CADM2: variants seen among roughly 807,000 people sequenced by gnomAD.
The protein encoded by CADM2 is cell adhesion molecule 2.
CADM2 carries 12 observed loss-of-function variants against 49.8 expected under a neutral mutation model. That is an observed-to-expected ratio of 0.24 (90% CI 0.15 to 0.39). CADM2 has a LOEUF of 0.39. CADM2 is among the 10% of genes least tolerant of loss of function. The probability of loss-of-function intolerance (pLI) is 1.00; values close to 1 mark genes in which losing one functional copy is unlikely to be tolerated. For synonymous variants in CADM2, 214 were observed against 175.4 expected, an observed-to-expected ratio of 1.22 and a Z score of -1.74; for missense variants, 378 against 492.3, an observed-to-expected ratio of 0.77 and a Z score of 2.20.
At chr3:85,396,010 T>C (rs569969265) in intron 1 of CADM2, among the ~76,000 whole-genome samples, 7 of 149,360 alleles carry the variant, frequency 4.7e-5, no homozygotes, top group Admixed American at 3.3e-4. Flanking sequence ...ATATTTTCAG[T>C]ATTGATTCTG....
chr3:85,251,745 A>G (rs1331050656), intron 1 of CADM2, among the ~76,000 whole-genome samples: 2 of 151,964 alleles, frequency 1.3e-5, no homozygotes, highest in Admixed American at 6.6e-5. Context: ...TTTTCTACTC[A>G]GGCAGAGAAA....
intron 5 of CADM2, among the ~76,000 whole-genome samples, chr3:85,907,599 A>G (rs1357780395): frequency 6.6e-6 from 1 of 152,084 alleles, no homozygotes; most frequent in Non-Finnish European, 1.5e-5. Flanking sequence ...GGATCCAGGG[A>G]AAGTATTTCA....
intron 1 of CADM2, among the ~76,000 whole-genome samples, chr3:85,363,723 T>G (rs1237908893): frequency 3.3e-5 from 5 of 152,218 alleles, no homozygotes; most frequent in Non-Finnish European, 7.3e-5. Context: ...GCCATTCTCC[T>G]GCCTCAGCCT....
chr3:85,547,381 A>T (rs1439022853), intron 1 of CADM2, among the ~76,000 whole-genome samples: 1 of 152,212 alleles, frequency 6.6e-6, no homozygotes, highest in African/African-American at 2.4e-5. Context: ...GAATTATCCA[A>T]ATAATTAAAT....
At chr3:85,057,740 A>T (rs1054854169) in intron 1 of CADM2, among the ~76,000 whole-genome samples, 1 of 152,204 alleles carries the variant, frequency 6.6e-6, no homozygotes, top group Non-Finnish European at 1.5e-5. Flanking sequence ...GTTTTGATAC[A>T]GTAAATTGCT....
intron 1 of CADM2, among the ~76,000 whole-genome samples, chr3:85,067,398 T>C (rs2036566752): frequency 6.6e-6 from 1 of 152,108 alleles, no homozygotes; most frequent in Non-Finnish European, 1.5e-5. Context: ...AAATTTGTTA[T>C]AGTAAGAGTT....
intron 1 of CADM2, among the ~76,000 whole-genome samples, chr3:85,157,001 C>G (rs948855531): frequency 1.3e-5 from 2 of 152,026 alleles, no homozygotes; most frequent in African/African-American, 2.4e-5. Context: ...TCTCAGGATA[C>G]AAAATCAATG....
intron 1 of CADM2, among the ~76,000 whole-genome samples, chr3:85,449,222 A>T (rs1324847951): frequency 6.6e-6 from 1 of 151,672 alleles, no homozygotes; most frequent in Non-Finnish European, 1.5e-5. Context: ...CTATTAAGAA[A>T]AAAAGGCCTT....
At chr3:85,056,083 G>T (rs1489916864) in intron 1 of CADM2, among the ~76,000 whole-genome samples, 1 of 152,046 alleles carries the variant, frequency 6.6e-6, no homozygotes, top group African/African-American at 2.4e-5. Flanking sequence ...TCACTGGACT[G>T]CTCAGGTGAA....
intron 1 of CADM2, among the ~76,000 whole-genome samples, chr3:85,303,076 T>A (rs952758269): frequency 2.2e-4 from 33 of 151,974 alleles, no homozygotes; most frequent in African/African-American, 8.0e-4. Flanking sequence ...TCTTATTCAT[T>A]TATGTTTGGA....
chr3:85,999,296 G>A lies in CADM2; in HGVS notation c.970+37649G>A, dbSNP rs191405746. ...TGGGGGGTGGATCACTTGAGTTCAGGAGTTCGAGACCATCCTGGTCAACAT... is the reference window on the plus strand; with the variant it reads ...TGGGGGGTGGATCACTTGAGTTCAGAAGTTCGAGACCATCCTGGTCAACAT... On this transcript the variant is annotated intron_variant, in intron 8 of 9. Transcript: ENST00000383699. Among the ~76,000 whole-genome samples the A allele has an allele frequency of 3.8e-3, 584 of 151,710 alleles. 3 individuals carry two copies. The highest frequency in any genetic ancestry group is 7.1e-3 in the Non-Finnish European group (480 of 67,888).
chr3:85,641,427 A>G (rs2064708120), intron 1 of CADM2, among the ~76,000 whole-genome samples: 1 of 152,198 alleles, frequency 6.6e-6, no homozygotes, highest in African/African-American at 2.4e-5. Context: ...TATGAAATGG[A>G]AAATTATTAG....
At chr3:85,813,798 C>T (rs1020692198) in intron 3 of CADM2, among the ~76,000 whole-genome samples, 15 of 152,048 alleles carry the variant, frequency 9.9e-5, no homozygotes, top group Non-Finnish European at 1.8e-4. Context: ...AATATGGAAT[C>T]GTTTCCCCAT....
At chr3:85,662,692 A>G (rs1328988244) in intron 1 of CADM2, among the ~76,000 whole-genome samples, 2 of 152,036 alleles carry the variant, frequency 1.3e-5, no homozygotes, top group Non-Finnish European at 2.9e-5. Context: ...TAACCATCTT[A>G]CCATCTGGGA....
intron 3 of CADM2, among the ~76,000 whole-genome samples, chr3:85,833,797 A>G (rs1029085722): frequency 6.6e-6 from 1 of 151,638 alleles, no homozygotes; most frequent in African/African-American, 2.4e-5. Flanking sequence ...ATCAGAAAAC[A>G]TGATGGTTCC....
chr3:85,947,768 C>G (rs539675540), intron 7 of CADM2, among the ~76,000 whole-genome samples: 13 of 151,586 alleles, frequency 8.6e-5, no homozygotes, highest in African/African-American at 3.1e-4. Flanking sequence ...GTTATTTAGG[C>G]TGGGCATGGG....
At chr3:85,329,500 GC>G (rs1380841492) in intron 1 of CADM2, among the ~76,000 whole-genome samples, 2 of 152,004 alleles carry the variant, frequency 1.3e-5, no homozygotes, top group African/African-American at 4.8e-5. Flanking sequence ...AACCCAGGGG[GC>G]GGAGGTTGCA....
At chr3:84,983,027 C>G (rs1384848263) in intron 1 of CADM2, among the ~76,000 whole-genome samples, 1 of 151,578 alleles carries the variant, frequency 6.6e-6, no homozygotes, top group East Asian at 1.9e-4. Context: ...GATTACAGGC[C>G]TGAGCCACTG....
At chr3:85,979,977 G>A (rs12636273) in intron 8 of CADM2, among the ~76,000 whole-genome samples, 92,940 of 151,128 alleles carry the variant, frequency 0.61, 28,822 homozygotes, top group East Asian at 0.68. Context: ...GGCAGAAGAA[G>A]TAACTATGTT....
Sources: gnomAD v4.1 joint callset for allele counts (sites outside exome capture counted in the v4.1 genomes callset) on GRCh38, gnomAD v4.1.1 for gene constraint, MANE v1.5 for transcripts, NCBI Gene and HGNC (gene_info 2026-07-23, HGNC 2026-07-21) for gene names.